KAZN: variants seen among roughly 807,000 people sequenced by gnomAD.
The protein encoded by KAZN is kazrin, periplakin interacting protein, also known as kazrin.
In KAZN, 40 loss-of-function variants were observed where a neutral mutation model predicts 87.4. The observed-to-expected ratio is 0.46, with a 90% CI of 0.36 to 0.60. The LOEUF is 0.60. Ranked by LOEUF, KAZN falls within the 20% of genes least tolerant of loss-of-function variation. KAZN has a pLI of 0.00. For synonymous variants in KAZN, 466 were observed against 458.3 expected (o/e 1.02, Z -0.22); for missense variants, 898 against 1,073.9 (o/e 0.84, Z 2.29).
chr1:14,680,452 TA>T (rs1444822568), intron 1 of KAZN, among the ~76,000 whole-genome samples: 1 of 152,154 alleles, frequency 6.6e-6, no homozygotes, highest in Non-Finnish European at 1.5e-5. Context: ...CTCAGCAAAA[TA>T]TTTTTTTTTA....
chr1:15,108,694 G>A (rs1172217448), intron 13 of KAZN, among the ~76,000 whole-genome samples: 1 of 152,264 alleles, frequency 6.6e-6, no homozygotes, highest in Admixed American at 6.5e-5. Context: ...CCTGGTGGAG[G>A]CTGACTCCCA....
intron 8 of KAZN, among the ~76,000 whole-genome samples, chr1:15,078,358 T>C (rs1639851349): frequency 6.6e-6 from 1 of 151,826 alleles, no homozygotes; most frequent in Non-Finnish European, 1.5e-5. Flanking sequence ...TGAGCCGAGA[T>C]CGTGCCACTG....
chr1:14,899,697 T>C (rs1655646011), intron 1 of KAZN, among the ~76,000 whole-genome samples: 1 of 152,138 alleles, frequency 6.6e-6, no homozygotes, highest in African/African-American at 2.4e-5. Context: ...CCCACCTCCC[T>C]AGCTCCCTCC....
At chr1:14,489,682 C>T (rs1244535590) in intron 2 of KAZN, among the ~76,000 whole-genome samples, 1 of 150,960 alleles carries the variant, frequency 6.6e-6, no homozygotes, top group Non-Finnish European at 1.5e-5. Flanking sequence ...TGCAGTGAGC[C>T]TAGATTGCAC....
At chr1:14,803,792 G>T (rs1011327206) in intron 1 of KAZN, among the ~76,000 whole-genome samples, 1 of 152,330 alleles carries the variant, frequency 6.6e-6, no homozygotes, top group Non-Finnish European at 1.5e-5. Flanking sequence ...CCACATTGGC[G>T]CTCTGGAGCC....
intron 2 of KAZN, among the ~76,000 whole-genome samples, chr1:14,978,974 G>A (rs141092117): frequency 0.021 from 3,127 of 151,930 alleles, 114 homozygotes; most frequent in African/African-American, 0.07. Flanking sequence ...GCGCAATCTC[G>A]GCTCACTGCA....
At chr1:14,675,392 G>A (rs1557881165) in intron 1 of KAZN, among the ~76,000 whole-genome samples, 1 of 152,180 alleles carries the variant, frequency 6.6e-6, no homozygotes, top group African/African-American at 2.4e-5. Flanking sequence ...AGGGCACTTG[G>A]GGGTGTTCTC....
In KAZN at chr1:13,919,973, AT is replaced by A. The variant is rs762160963; in HGVS notation, c.91+26218del. 2.0e-5 allele frequency among the ~76,000 whole-genome samples: 3 copies of A among 152,158 alleles called. No individual in the cohort carries two copies. In the East Asian group the frequency reaches 5.8e-4, roughly 29 times the overall value. On this transcript the variant is annotated intron_variant, in intron 1 of 16. Transcript: ENST00000636203. Reference sequence around the variant, plus strand: ...TCATGATTCTTCCTTTTCTGTATGAATATCCTATTGACCCAGAGCCATTTAT... The same window carrying A: ...TCATGATTCTTCCTTTTCTGTATGAAATCCTATTGACCCAGAGCCATTTAT...
intron 2 of KAZN, among the ~76,000 whole-genome samples, chr1:14,419,736 G>C (rs1342510739): frequency 6.6e-6 from 1 of 152,010 alleles, no homozygotes; most frequent in Non-Finnish European, 1.5e-5. Context: ...CGCGGTGAGC[G>C]TTAGGACTCT....
chr1:14,179,788 C>A (rs922241818), intron 1 of KAZN, among the ~76,000 whole-genome samples: 1 of 152,136 alleles, frequency 6.6e-6, no homozygotes, highest in Non-Finnish European at 1.5e-5. Context: ...TTAAAAGAAG[C>A]CTCTCTGCTG....
intron 1 of KAZN, among the ~76,000 whole-genome samples, chr1:14,903,768 C>T (rs552437951): frequency 1.3e-5 from 2 of 152,288 alleles, no homozygotes; most frequent in African/African-American, 4.8e-5. Context: ...TTTAAAGTCG[C>T]GATCCCATTA....
chr1:14,475,470 G>A (rs568154299), intron 2 of KAZN, among the ~76,000 whole-genome samples: 28 of 152,274 alleles, frequency 1.8e-4, no homozygotes, highest in African/African-American at 6.3e-4. Flanking sequence ...CTTGTGTATC[G>A]ATTTGCAACT....
chr1:14,939,173 A>G lies in KAZN; in HGVS notation c.227-21511A>G, dbSNP rs372484034. ...CTTTTAGTAGGGACAGGGTTTCACC[A>G]TGGGGCCAGGCTGGTCTTGAACACC... is the stretch of plus-strand genomic sequence containing the variant. On this transcript the variant is annotated intron_variant, in intron 1 of 14. Transcript: ENST00000376030. Among the ~76,000 whole-genome samples, 3 of 152,088 alleles carry G rather than the reference A, an allele frequency of 2.0e-5. No homozygotes were observed. The East Asian group carries it at 5.8e-4, about 29-fold the overall frequency.
intron 13 of KAZN, among the ~76,000 whole-genome samples, chr1:15,104,764 G>A (rs1001769780): frequency 6.6e-6 from 1 of 152,170 alleles, no homozygotes; most frequent in Non-Finnish European, 1.5e-5. Flanking sequence ...AGGGTTAGAT[G>A]ACCATTTATT....
intron 2 of KAZN, among the ~76,000 whole-genome samples, chr1:14,578,226 G>T (rs1309200333): frequency 6.6e-6 from 1 of 151,988 alleles, no homozygotes; most frequent in African/African-American, 2.4e-5. Flanking sequence ...GATAGGGCCT[G>T]GAAAGTAATT....
At chr1:14,562,895 G>A (rs560979106) in intron 2 of KAZN, among the ~76,000 whole-genome samples, 2 of 152,334 alleles carry the variant, frequency 1.3e-5, no homozygotes, top group African/African-American at 4.8e-5. Flanking sequence ...CCAAATACTC[G>A]ATTGCATAGC....
At chr1:14,838,904 G>A (rs548802059) in intron 1 of KAZN, among the ~76,000 whole-genome samples, 4 of 152,246 alleles carry the variant, frequency 2.6e-5, no homozygotes, top group African/African-American at 9.6e-5. Flanking sequence ...TTGCAGGTGT[G>A]AGCCACCGCA....
intron 2 of KAZN, among the ~76,000 whole-genome samples, chr1:14,507,941 T>G (rs1670678241): frequency 6.6e-6 from 1 of 150,734 alleles, no homozygotes; most frequent in African/African-American, 2.5e-5. Flanking sequence ...CTCTCCAGCC[T>G]GGGCAACAGA....
chr1:14,058,088 G>A (rs1205414799), intron 1 of KAZN, among the ~76,000 whole-genome samples: 1 of 152,052 alleles, frequency 6.6e-6, no homozygotes, highest in Non-Finnish European at 1.5e-5. Context: ...CCATGCCCAG[G>A]TGGGGATGTC....
Sources: gnomAD v4.1 joint callset for allele counts (sites outside exome capture counted in the v4.1 genomes callset) on GRCh38, gnomAD v4.1.1 for gene constraint, MANE v1.5 for transcripts, NCBI Gene and HGNC (gene_info 2026-07-23, HGNC 2026-07-21) for gene names.